PKHD1L1: variants seen among roughly 807,000 people sequenced by gnomAD.
PKHD1L1 encodes PKHD1 like 1.
PKHD1L1 carries 434 observed loss-of-function variants against 462.9 expected under a neutral mutation model. The ratio of observed to expected loss-of-function variants is 0.94; its 90% confidence interval spans 0.87 to 1.02. PKHD1L1 has a LOEUF of 1.02. Among genes scored for constraint, PKHD1L1 ranks in the 50% least tolerant of loss-of-function variants. The pLI is 0.00. For synonymous variants in PKHD1L1, 1,781 were observed against 1,750.0 expected (o/e 1.02, Z -0.44); for missense variants, 5,202 against 5,096.1 (o/e 1.02, Z -0.63).
chr8:109,441,330 T>G lies in PKHD1L1; in HGVS notation c.4155T>G (p.Leu1385=), dbSNP rs1815781122. 6.3e-7 allele frequency: 1 copy of G among 1,591,404 alleles called. No homozygotes were observed. Among genetic ancestry groups the G allele is most frequent in the Non-Finnish European group, 8.6e-7 (1 of 1,164,730 alleles). ...CAGAAAATGTCATAAAATGTATTCT[T>G]CATTCAACTGGGAATATATTCAGGA... The part of the protein sequence containing the change: ...SSSENVIKCI[L]HSTGNIFRIT... Residue 1385 remains leucine, a synonymous_variant, in exon 34 of 78, where the codon CTT becomes CTG. Transcript: ENST00000378402.
chr8:109,408,801 A>G (rs1220884268), intron 18 of PKHD1L1, among the ~76,000 whole-genome samples: 2 of 152,222 alleles, frequency 1.3e-5, no homozygotes, highest in Non-Finnish European at 2.9e-5. Context: ...ACAGAACACC[A>G]TTTAAATGTC....
intron 29 of PKHD1L1, 106 bp from the exon 30 acceptor site, chr8:109,436,232 T>C (rs1006894575): frequency 8.5e-7 from 1 of 1,172,036 alleles, no homozygotes; most frequent in African/African-American, 1.5e-5. Flanking sequence ...ATCTCTTGGA[T>C]CATTAGACTA....
intron 2 of PKHD1L1, among the ~76,000 whole-genome samples, chr8:109,375,842 G>C (rs1222540516): frequency 6.6e-6 from 1 of 152,170 alleles, no homozygotes; most frequent in Non-Finnish European, 1.5e-5. Context: ...AGATGCTGCT[G>C]CCTGATCGTT....
At chr8:109,436,489 C>T (rs1815420503) in intron 30 of PKHD1L1, 30 bp downstream of exon 30, 21 of 1,607,652 alleles carry the variant, frequency 1.3e-5, no homozygotes, top group Non-Finnish European at 1.8e-5. Flanking sequence ...TCACTTTTTC[C>T]TCCTAAGTCT....
At chr8:109,522,452 T>C in intron 74 of PKHD1L1, 115 bp downstream of exon 74, 1 of 1,209,168 alleles carries the variant, frequency 8.3e-7, no homozygotes, top group Non-Finnish European at 1.1e-6. Flanking sequence ...GGCATGTCTT[T>C]CTTATTTATT....
In PKHD1L1 at chr8:109,382,485, A is replaced by G. The variant is rs997894980; in HGVS notation, c.331A>G (p.Thr111Ala). ...TAGAGCAATGCCGGAAGATTCCTAC[A>G]CTGTTAGAGTCAGTGTGGACGGGGT... The part of the protein sequence containing the change: ...YTRAMPEDSY[T>A]VRVSVDGVPV... The change falls in exon 4 of 78, where the codon ACT (threonine) becomes GCT (alanine). Residue 111 changes from threonine (T) to alanine (A), a missense_variant. Thr to Ala is a moderately conservative substitution (Grantham distance 58). Around this residue, in one of 3 missense-constraint regions of PKHD1L1, gnomAD observed 4,497 missense variants for 4,336.8 expected, o/e 1.04. Transcript: ENST00000378402. 7 of 1,608,550 alleles carry G rather than the reference A, an allele frequency of 4.4e-6. No homozygotes were observed. The highest frequency in any genetic ancestry group is 5.1e-6 in the Non-Finnish European group (6 of 1,177,570).
At chr8:109,516,078 G>A (rs1449763978) in intron 72 of PKHD1L1, among the ~76,000 whole-genome samples, 1 of 152,082 alleles carries the variant, frequency 6.6e-6, no homozygotes, top group Non-Finnish European at 1.5e-5. Context: ...AACTGCTAAT[G>A]TTTCCAGAGA....
intron 1 of PKHD1L1, 61 bp downstream of exon 1, chr8:109,362,714 C>G: frequency 6.6e-7 from 1 of 1,517,298 alleles, no homozygotes; most frequent in Admixed American, 2.0e-5. Flanking sequence ...ACTACCCCTG[C>G]TCCCGGGGTC....
At chr8:109,442,797 C>G (rs1815876621) in intron 35 of PKHD1L1, 149 bp from the exon 36 acceptor site, 1 of 688,538 alleles carries the variant, frequency 1.5e-6, no homozygotes, top group African/African-American at 1.8e-5. Context: ...AGTTTTCTTA[C>G]TACATTCTGT....
chr8:109,449,550 A>G lies in PKHD1L1; in HGVS notation c.6175+63A>G, dbSNP rs1002673568. ...CTAGTTAATTTTATAAAGATCAGTT[A>G]ATTTCTTTTTTCAAGTTCTTGGATT... On this transcript the variant is annotated intron_variant, in intron 40 of 77. Transcript: ENST00000378402. 12 of 1,403,156 alleles carry G rather than the reference A, an allele frequency of 8.6e-6. No individual in the cohort carries two copies. In the African/African-American group the frequency reaches 1.8e-4, roughly 21 times the overall value. The allele number at this position is 1,403,156 out of a possible 1,614,324, so 86.9% of individuals were successfully genotyped here.
chr8:109,481,365 C>A, intron 55 of PKHD1L1, 68 bp from the exon 56 acceptor site: 1 of 1,426,614 alleles, frequency 7.0e-7, no homozygotes, highest in South Asian at 1.5e-5. Context: ...TTCTGAATTC[C>A]TTTTTTATGG....
At chr8:109,396,503 T>A (rs1478422613) in intron 11 of PKHD1L1, among the ~76,000 whole-genome samples, 1 of 152,210 alleles carries the variant, frequency 6.6e-6, no homozygotes, top group African/African-American at 2.4e-5. Flanking sequence ...GCGAGTTAGC[T>A]AATTGTGAGG....
chr8:109,444,018 A>G (rs1453272111), intron 37 of PKHD1L1, 116 bp downstream of exon 37: 3 of 856,270 alleles, frequency 3.5e-6, no homozygotes, highest in Non-Finnish European at 5.4e-6. Flanking sequence ...CACATACCAT[A>G]CAATTCACCC....
intron 77 of PKHD1L1, among the ~76,000 whole-genome samples, chr8:109,527,419 G>A (rs780800863): frequency 5.3e-5 from 8 of 152,078 alleles, no homozygotes; most frequent in Non-Finnish European, 1.2e-4. Flanking sequence ...CAGGAGAATC[G>A]CTTGAGCCTG....
intron 38 of PKHD1L1, 35 bp from the exon 39 acceptor site, chr8:109,448,108 A>T (rs2130771428): frequency 6.6e-7 from 1 of 1,524,788 alleles, no homozygotes; most frequent in Non-Finnish European, 8.8e-7. Context: ...TAATAGTTAG[A>T]TATATTTATA....
At chr8:109,526,639 T>TA (rs1434237068) in intron 76 of PKHD1L1, 145 bp from the exon 77 acceptor site, 3 of 724,970 alleles carry the variant, frequency 4.1e-6, no homozygotes, top group Non-Finnish European at 6.7e-6. Flanking sequence ...TGTCTGTACT[T>TA]AAACTAATTT....
chr8:109,442,292 A>G, intron 35 of PKHD1L1, 97 bp downstream of exon 35: 1 of 1,187,332 alleles, frequency 8.4e-7, no homozygotes, highest in Non-Finnish European at 1.1e-6. Flanking sequence ...TTTTACATAA[A>G]TAATATACAC....
intron 48 of PKHD1L1, among the ~76,000 whole-genome samples, chr8:109,463,262 C>T: frequency 6.6e-6 from 1 of 152,048 alleles, no homozygotes; most frequent in Non-Finnish European, 1.5e-5. Flanking sequence ...TAGTTCTTAT[C>T]ATGTATTCAG....
intron 34 of PKHD1L1, 55 bp downstream of exon 34, chr8:109,441,434 TTTGA>T: frequency 9.9e-7 from 1 of 1,007,480 alleles, no homozygotes; most frequent in Non-Finnish European, 1.4e-6. Context: ...CTGAAATTAA[TTTGA>T]TTTTTATTTA....
Sources: allele counts gnomAD v4.1 joint callset (sites outside exome capture counted in the v4.1 genomes callset), GRCh38; gene constraint gnomAD v4.1.1; regional missense constraint gnomAD v4.1.1; transcripts MANE v1.5; gene names NCBI Gene and HGNC (gene_info 2026-07-23, HGNC 2026-07-21).